The following SOX5 variants were observed in gnomAD, a reference collection of about 807,000 sequenced individuals.
SOX5 encodes the protein SRY-box transcription factor 5, also known as transcription factor SOX-5.
Under a neutral mutation model 92.0 loss-of-function variants are expected in SOX5, and 9 were observed. That is an observed-to-expected ratio of 0.10 (90% confidence interval 0.06 to 0.17). The LOEUF is 0.17. Among genes scored for constraint, SOX5 ranks in the 10% least tolerant of loss-of-function variants. The pLI is 1.00. For synonymous variants in SOX5, 344 were observed against 336.3 expected (o/e 1.02, Z -0.25); for missense variants, 642 against 944.5 (o/e 0.68, Z 4.20).
rs869143890 is a variant in SOX5, at chr12:23,966,203, C to CAAAAAAAAAAAAAAAAAAAAAAAAAAAAA, written c.-1-70208_-1-70180dup. On this transcript the variant is annotated intron_variant, in intron 4 of 4. Coordinates refer to the SOX5 transcript ENST00000446891. ...TTTCTTCAGAGGGACACTCAATATC[C>CAAAAAAAAAAAAAAAAAAAAAAAAAAAAA]AAAAAAAAAAAAAAAAAAAAAAAAA... is the stretch of plus-strand genomic sequence containing the variant. Among the ~76,000 whole-genome samples the CAAAAAAAAAAAAAAAAAAAAAAAAAAAAA allele has an allele frequency of 3.7e-4, 21 of 57,336 alleles. 2 individuals are homozygous for CAAAAAAAAAAAAAAAAAAAAAAAAAAAAA. The highest frequency in any genetic ancestry group is 4.6e-4 in the Non-Finnish European group (14 of 30,642). The allele number at this position is 57,336 out of a possible 152,430, so 37.6% of individuals were successfully genotyped here.
intron 3 of SOX5, among the ~76,000 whole-genome samples, chr12:23,804,495 T>C (rs1473635737): frequency 6.6e-6 from 1 of 152,132 alleles, no homozygotes; most frequent in Non-Finnish European, 1.5e-5. Flanking sequence ...CATCAATAGC[T>C]TTTCAGGTCC....
chr12:24,273,074 A>C (rs555127923), intron 3 of SOX5, among the ~76,000 whole-genome samples: 2 of 152,290 alleles, frequency 1.3e-5, no homozygotes, highest in South Asian at 4.1e-4. Flanking sequence ...CTCTACTAAA[A>C]GTATAAAAGA....
chr12:23,800,096 A>G (rs2095634263), intron 3 of SOX5, among the ~76,000 whole-genome samples: 1 of 152,116 alleles, frequency 6.6e-6, no homozygotes, highest in South Asian at 2.1e-4. Flanking sequence ...ATGCTAGTCC[A>G]GGAGTCAGTC....
At chr12:23,581,871 A>T (rs1181227643) in intron 9 of SOX5, among the ~76,000 whole-genome samples, 2 of 151,470 alleles carry the variant, frequency 1.3e-5, no homozygotes, top group Non-Finnish European at 2.9e-5. Context: ...TGATTCTTCA[A>T]CAGCCACACA....
intron 2 of SOX5, among the ~76,000 whole-genome samples, chr12:24,317,341 T>C (rs1369005712): frequency 6.6e-6 from 1 of 152,202 alleles, no homozygotes; most frequent in East Asian, 1.9e-4. Context: ...GTAAAGCAAA[T>C]TTGAACTTTG....
At chr12:23,712,454 C>T (rs2092141758) in intron 6 of SOX5, among the ~76,000 whole-genome samples, 1 of 152,186 alleles carries the variant, frequency 6.6e-6, no homozygotes, top group African/African-American at 2.4e-5. Context: ...TGTTAAGAGA[C>T]TTCTATTGAT....
chr12:23,587,540 T>C (rs1187410693), intron 9 of SOX5, among the ~76,000 whole-genome samples: 1 of 152,110 alleles, frequency 6.6e-6, no homozygotes, highest in Non-Finnish European at 1.5e-5. Context: ...ATTTTTTCTA[T>C]CCCATAGATA....
intron 1 of SOX5, among the ~76,000 whole-genome samples, chr12:24,381,487 T>C (rs1242321556): frequency 2.6e-5 from 4 of 152,198 alleles, no homozygotes; most frequent in African/African-American, 9.6e-5. Flanking sequence ...TTAAATCACA[T>C]GGAAAATAGT....
At chr12:23,751,895 A>T (rs768229361) in intron 4 of SOX5, among the ~76,000 whole-genome samples, 17 of 151,884 alleles carry the variant, frequency 1.1e-4, no homozygotes, top group Non-Finnish European at 1.8e-4. Context: ...CCAGGGTCAG[A>T]AGAATCCATC....
At chr12:24,163,979 C>T (rs73056551) in intron 4 of SOX5, among the ~76,000 whole-genome samples, 4,175 of 152,088 alleles carry the variant, frequency 0.027, 71 homozygotes, top group Non-Finnish European at 0.044. Context: ...AGAAATTATA[C>T]GGTATAAATT....
chr12:23,830,195 C>T (rs573125500), intron 3 of SOX5, among the ~76,000 whole-genome samples: 1 of 152,236 alleles, frequency 6.6e-6, no homozygotes, highest in African/African-American at 2.4e-5. Context: ...AACACTTATT[C>T]CTGAAGAAAT....
intron 1 of SOX5, among the ~76,000 whole-genome samples, chr12:24,503,196 T>G (rs997360410): frequency 3.3e-5 from 5 of 152,136 alleles, no homozygotes; most frequent in African/African-American, 1.2e-4. Context: ...CAAAAAAAAG[T>G]ATTATCTCTG....
chr12:24,466,010 T>G (rs1231209166), intron 1 of SOX5, among the ~76,000 whole-genome samples: 1 of 152,204 alleles, frequency 6.6e-6, no homozygotes, highest in Non-Finnish European at 1.5e-5. Context: ...ACTACCCTAA[T>G]TATCCCACAC....
chr12:23,849,445 G>C (rs1184987118), intron 2 of SOX5, among the ~76,000 whole-genome samples: 1 of 152,140 alleles, frequency 6.6e-6, no homozygotes, highest in Non-Finnish European at 1.5e-5. Context: ...GATAAACTGA[G>C]GCAGAGAGAC....
chr12:23,869,512 C>T (rs2096850876), intron 2 of SOX5, among the ~76,000 whole-genome samples: 1 of 152,072 alleles, frequency 6.6e-6, no homozygotes. Context: ...CAGCCTACCG[C>T]CCTACTTCTG....
intron 4 of SOX5, among the ~76,000 whole-genome samples, chr12:23,966,866 G>C (rs1253705309): frequency 6.6e-6 from 1 of 152,070 alleles, no homozygotes; most frequent in East Asian, 1.9e-4. Flanking sequence ...ACTTTAAAAA[G>C]TAACACCAGC....
At chr12:24,554,174 G>A (rs187072926) in intron 1 of SOX5, among the ~76,000 whole-genome samples, 13 of 152,222 alleles carry the variant, frequency 8.5e-5, no homozygotes, top group Admixed American at 2.0e-4. Flanking sequence ...ATCAAACAAC[G>A]TCAGCTCTTA....
Position 23,904,205 on chromosome 12 carries a change from G to T in SOX5, c.39-8181C>A, listed in dbSNP as rs549662337. Among the ~76,000 whole-genome samples, 861 of 152,012 alleles carry T rather than the reference G, an allele frequency of 5.7e-3. 12 individuals are homozygous for T. The highest frequency in any genetic ancestry group is 0.02 in the African/African-American group (826 of 41,462). Reference sequence around the variant, plus strand: ...CCTTTAAATAGAAGATTTATTTATGGTAAACATGCAGTCTTTCAAACTTTT... The same window carrying T: ...CCTTTAAATAGAAGATTTATTTATGTTAAACATGCAGTCTTTCAAACTTTT... On this transcript the variant is annotated intron_variant, in intron 1 of 14. Transcript: ENST00000451604.
At chr12:23,999,524 T>G (rs1301982069) in intron 4 of SOX5, among the ~76,000 whole-genome samples, 1 of 152,148 alleles carries the variant, frequency 6.6e-6, no homozygotes, top group Non-Finnish European at 1.5e-5. Context: ...GTGGTAATCA[T>G]TTCATAATGT....
Sources: allele counts gnomAD v4.1 joint callset (sites outside exome capture counted in the v4.1 genomes callset), GRCh38; gene constraint gnomAD v4.1.1; transcripts MANE v1.5; gene names NCBI Gene and HGNC (gene_info 2026-07-23, HGNC 2026-07-21).